Variants in KCNIP4 observed in about 807,000 individuals in gnomAD.
KCNIP4 encodes Kv channel-interacting protein 4.
In KCNIP4, 12 loss-of-function variants were observed where a neutral mutation model predicts 34.0. The ratio of observed to expected loss-of-function variants is 0.35; its 90% CI spans 0.23 to 0.57. The LOEUF (loss-of-function observed/expected upper bound fraction) is 0.57, where lower values mean the gene tolerates loss of function less well. Ranked by LOEUF, KCNIP4 falls within the 20% of genes least tolerant of loss-of-function variation. The pLI, the probability that KCNIP4 is intolerant of heterozygous loss-of-function variation, is 0.83. For missense variants in KCNIP4, 238 were observed against 311.7 expected, an observed-to-expected ratio of 0.76 and a Z score of 1.78; for synonymous variants, 124 against 102.2, an observed-to-expected ratio of 1.21 and a Z score of -1.29.
chr4:21,202,452 G>A (rs984304933), intron 1 of KCNIP4, among the ~76,000 whole-genome samples: 6 of 152,266 alleles, frequency 3.9e-5, no homozygotes, highest in Admixed American at 2.0e-4. Context: ...GGAGCAGGAC[G>A]GGAGTTGAAA....
chr4:20,999,416 T>G (rs1434069797), intron 1 of KCNIP4, among the ~76,000 whole-genome samples: 7 of 1,808 alleles, frequency 3.9e-3, no homozygotes, highest in Admixed American at 0.028. Flanking sequence ...GTGGTGGTGT[T>G]TTTTTTTTTT....
rs116101056 is a variant in KCNIP4 at position 21,671,875 on chromosome 4, C to G, written c.61+276696G>C. Among the ~76,000 whole-genome samples, 733 of 152,220 alleles carry G rather than the reference C, an allele frequency of 4.8e-3. 6 individuals are homozygous for G. Among genetic ancestry groups the G allele is most frequent in the African/African-American group, 0.017 (709 of 41,546 alleles). On this transcript the variant is annotated intron_variant, in intron 1 of 8. Coordinates refer to ENST00000382152, the MANE Select transcript of KCNIP4 (RefSeq NM_025221.6). ...ATTGAATTCCTCCCCAGCAATGCCC[C>G]TTCACTTAAAGGTCTGGGTTCAAGC...
chr4:21,284,867 C>G (rs1013049188), intron 1 of KCNIP4, among the ~76,000 whole-genome samples: 1 of 151,868 alleles, frequency 6.6e-6, no homozygotes, highest in Admixed American at 6.6e-5. Context: ...ATGAACACAC[C>G]CACCGGGAGA....
At chr4:21,773,767 G>GTTTTTTTTTTT (rs373554454) in intron 1 of KCNIP4, among the ~76,000 whole-genome samples, 1 of 138,282 alleles carries the variant, frequency 7.2e-6, no homozygotes, top group African/African-American at 3.0e-5. Flanking sequence ...TTGTTTGTTT[G>GTTTTTTTTTTT]TTTTTGTTTT....
At chr4:20,738,922 G>A (rs1015096943) in intron 5 of KCNIP4, among the ~76,000 whole-genome samples, 15 of 152,150 alleles carry the variant, frequency 9.9e-5, no homozygotes, top group African/African-American at 3.6e-4. Flanking sequence ...CTTAGCAAAC[G>A]GCACACCAGG....
chr4:21,573,803 C>T (rs1469474012), intron 1 of KCNIP4, among the ~76,000 whole-genome samples: 1 of 152,152 alleles, frequency 6.6e-6, no homozygotes, highest in Non-Finnish European at 1.5e-5. Context: ...AGCCAGGTTA[C>T]AGTCCTGACA....
intron 1 of KCNIP4, among the ~76,000 whole-genome samples, chr4:20,894,668 A>C (rs1405311457): frequency 6.6e-6 from 1 of 152,238 alleles, no homozygotes; most frequent in African/African-American, 2.4e-5. Context: ...ATATCATCAT[A>C]TAATGTTTTA....
chr4:21,369,610 A>T (rs1347198268), intron 1 of KCNIP4, among the ~76,000 whole-genome samples: 1 of 146,734 alleles, frequency 6.8e-6, no homozygotes, highest in South Asian at 2.1e-4. Flanking sequence ...AAATTTTTTT[A>T]AAAGAAGAAT....
At chr4:21,052,410 A>G (rs1577602263) in intron 1 of KCNIP4, among the ~76,000 whole-genome samples, 2 of 152,278 alleles carry the variant, frequency 1.3e-5, no homozygotes, top group South Asian at 4.1e-4. Context: ...AGACTACATG[A>G]CTTTGGTTAA....
At chr4:21,474,533 C>T (rs571671276) in intron 1 of KCNIP4, among the ~76,000 whole-genome samples, 1 of 152,134 alleles carries the variant, frequency 6.6e-6, no homozygotes, top group Non-Finnish European at 1.5e-5. Context: ...TCCCTACTCT[C>T]CCTTCCACAG....
At chr4:20,752,055 G>GTTTTT (rs33912651) in intron 4 of KCNIP4, among the ~76,000 whole-genome samples, 12 of 121,664 alleles carry the variant, frequency 9.9e-5, no homozygotes, top group African/African-American at 2.2e-4. Flanking sequence ...ACTTCATAGA[G>GTTTTT]TTTTTTTTTT....
intron 1 of KCNIP4, among the ~76,000 whole-genome samples, chr4:20,990,366 T>A (rs1296623062): frequency 6.6e-6 from 1 of 152,204 alleles, no homozygotes; most frequent in East Asian, 1.9e-4. Flanking sequence ...GGTTAGTAAA[T>A]GTGTCTTGAA....
At chr4:21,332,535 G>T (rs1715760945) in intron 1 of KCNIP4, among the ~76,000 whole-genome samples, 1 of 151,796 alleles carries the variant, frequency 6.6e-6, no homozygotes, top group Admixed American at 6.6e-5. Context: ...TCCCCTCTCT[G>T]TAAATGGCAC....
chr4:20,822,986 T>A (rs1288882901), intron 3 of KCNIP4, among the ~76,000 whole-genome samples: 1 of 152,074 alleles, frequency 6.6e-6, no homozygotes, highest in Non-Finnish European at 1.5e-5. Flanking sequence ...AGCAACAAGG[T>A]ACCTTCTTAA....
chr4:20,730,192 T>C, intron 8 of KCNIP4, 63 bp from the exon 9 acceptor site: 1 of 1,528,954 alleles, frequency 6.5e-7, no homozygotes, highest in Non-Finnish European at 8.8e-7. Context: ...TACACTATTT[T>C]GCCCCTGAGT....
rs192139659 is a variant in KCNIP4 at position 20,734,805 on chromosome 4, G to A, written c.430-70C>T. 3.1e-4 allele frequency: 212 copies of A among 685,854 alleles called. 3 individuals carry two copies. In the Admixed American group the frequency reaches 5.7e-3, roughly 18 times the overall value. The allele number at this position is 685,854 out of a possible 1,614,324, so 42.5% of individuals were successfully genotyped here. ...AACAAAAACAAAAAAAACAAATGATGTAAGTAAGGGCTACAACCCTCTGGA... is the reference window on the plus strand; with the variant it reads ...AACAAAAACAAAAAAAACAAATGATATAAGTAAGGGCTACAACCCTCTGGA... On this transcript the variant is annotated intron_variant, in intron 5 of 8. Coordinates refer to ENST00000382152, the MANE Select transcript of KCNIP4 (RefSeq NM_025221.6).
At chr4:21,815,973 T>C in intron 1 of KCNIP4, among the ~76,000 whole-genome samples, 1 of 152,192 alleles carries the variant, frequency 6.6e-6, no homozygotes, top group East Asian at 1.9e-4. Flanking sequence ...CAATTTCATC[T>C]TTGTGGCAGG....
chr4:20,797,212 T>C (rs1340848339), intron 3 of KCNIP4, among the ~76,000 whole-genome samples: 1 of 152,240 alleles, frequency 6.6e-6, no homozygotes, highest in Admixed American at 6.5e-5. Context: ...ATAGAAGCTA[T>C]TTCAGAAGTA....
intron 1 of KCNIP4, among the ~76,000 whole-genome samples, chr4:21,877,836 C>A (rs1430077487): frequency 1.3e-5 from 2 of 152,166 alleles, no homozygotes; most frequent in East Asian, 1.9e-4. Context: ...CTTGGTCCAG[C>A]AAAAACCTAG....
Sources: allele counts gnomAD v4.1 joint callset (sites outside exome capture counted in the v4.1 genomes callset), GRCh38; gene constraint gnomAD v4.1.1; transcripts MANE v1.5; gene names NCBI Gene and HGNC (gene_info 2026-07-23, HGNC 2026-07-21).